Variants in RAB6B observed in about 807,000 individuals in gnomAD.
The protein encoded by RAB6B is RAB6B, member RAS oncogene family.
A neutral mutation model predicts 31.2 loss-of-function variants in RAB6B; 7 were observed. The observed-to-expected ratio is 0.22, with a 90% CI of 0.13 to 0.42. The LOEUF is 0.42. RAB6B is among the 10% of genes least tolerant of loss of function. The probability of loss-of-function intolerance (pLI) is 1.00; values close to 1 mark genes in which losing one functional copy is unlikely to be tolerated. For synonymous variants in RAB6B, 105 were observed against 104.9 expected (o/e 1.00, Z -0.01); for missense variants, 149 against 280.6 (o/e 0.53, Z 3.35).
At chr3:133,883,867 TGGTCCTC>T (rs760193730) in intron 1 of RAB6B, among the ~76,000 whole-genome samples, 2 of 152,200 alleles carry the variant, frequency 1.3e-5, no homozygotes, top group Non-Finnish European at 2.9e-5. Flanking sequence ...TGAGCCAAAA[TGGTCCTC>T]CTCCTGCCTG....
intron 2 of RAB6B, among the ~76,000 whole-genome samples, chr3:133,851,686 G>A (rs1935986587): frequency 6.6e-6 from 1 of 152,178 alleles, no homozygotes; most frequent in African/African-American, 2.4e-5. Flanking sequence ...GGGGGGAGTG[G>A]CTTGCACGAC....
chr3:133,883,361 G>C (rs148839754), intron 1 of RAB6B, among the ~76,000 whole-genome samples: 2 of 152,324 alleles, frequency 1.3e-5, no homozygotes, highest in Admixed American at 6.5e-5. Context: ...CACAAACACA[G>C]AACTGGTCCA....
chr3:133,826,980 T>A lies in RAB6B; in HGVS notation c.*1808A>T, dbSNP rs566878366. ...ATATAAAAACTAAACACATGACATC[T>A]GAAACACGTTCAAACATTGGTCCTT... is the stretch of plus-strand genomic sequence containing the variant. On this transcript the variant is annotated 3_prime_UTR_variant, in exon 8 of 8. Coordinates refer to ENST00000285208, the MANE Select transcript of RAB6B (RefSeq NM_016577.4). 3 of 152,684 alleles carry A rather than the reference T, an allele frequency of 2.0e-5. No homozygotes were observed. Among genetic ancestry groups the A allele is most frequent in the Non-Finnish European group, 4.4e-5 (3 of 68,048 alleles). The allele number at this position is 152,684 out of a possible 1,614,324, so 9.5% of individuals were successfully genotyped here. A position where few individuals can be genotyped will look rare whatever the true frequency, so the allele number is the denominator to read the frequency against.
intron 4 of RAB6B, among the ~76,000 whole-genome samples, chr3:133,839,975 C>A (rs867563758): frequency 4.6e-5 from 7 of 151,490 alleles, no homozygotes; most frequent in African/African-American, 1.7e-4. Context: ...CTGGGTCACA[C>A]GTGTGTGTGC....
chr3:133,853,845 C>A (rs1936036891), intron 2 of RAB6B, among the ~76,000 whole-genome samples: 1 of 152,118 alleles, frequency 6.6e-6, no homozygotes, highest in Admixed American at 6.6e-5. Flanking sequence ...GCTGCGTAAA[C>A]AAAGATTATG....
At chr3:133,865,383 T>C (rs1936223249) in intron 1 of RAB6B, among the ~76,000 whole-genome samples, 1 of 152,242 alleles carries the variant, frequency 6.6e-6, no homozygotes, top group Non-Finnish European at 1.5e-5. Flanking sequence ...ATCCTACAAA[T>C]GCTGCTAATT....
rs1006589632 is a variant in RAB6B at position 133,827,461 on chromosome 3, T to C, written c.*1327A>G. 1.2e-5 allele frequency: 2 copies of C among 169,378 alleles called. No homozygotes were observed. Among genetic ancestry groups the C allele is most frequent in the African/African-American group, 4.8e-5 (2 of 41,858 alleles). The allele number at this position is 169,378 out of a possible 1,614,324, so 10.5% of individuals were successfully genotyped here. On this transcript the variant is annotated 3_prime_UTR_variant, in exon 8 of 8. Coordinates refer to ENST00000285208, the MANE Select transcript of RAB6B (RefSeq NM_016577.4). ...GAAGAGAGAGTTCTCTTCAGAGACT[T>C]TGCAGATTCTCAGGACTAAGCCATT...
chr3:133,838,402 C>A, intron 5 of RAB6B, 143 bp from the exon 6 acceptor site: 1 of 731,168 alleles, frequency 1.4e-6, no homozygotes, highest in South Asian at 1.6e-5. Context: ...CCAAGGGTCC[C>A]TCCCGGGCAC....
intron 2 of RAB6B, among the ~76,000 whole-genome samples, chr3:133,854,557 G>C (rs975345365): frequency 4.6e-5 from 7 of 152,170 alleles, no homozygotes; most frequent in Non-Finnish European, 1.0e-4. Context: ...CTCCAAACCT[G>C]GCAATGCTTA....
chr3:133,857,864 T>C (rs566017200), intron 2 of RAB6B, among the ~76,000 whole-genome samples: 53 of 152,282 alleles, frequency 3.5e-4, no homozygotes, highest in Admixed American at 2.1e-3. Context: ...ACACTGTTCG[T>C]TGGCCCCTTC....
At chr3:133,833,295 A>T (rs1235835484) in intron 7 of RAB6B, among the ~76,000 whole-genome samples, 1 of 152,022 alleles carries the variant, frequency 6.6e-6, no homozygotes, top group East Asian at 1.9e-4. Flanking sequence ...CAGTTTCCTT[A>T]TCTGTGATTG....
At chr3:133,830,408 C>T (rs1266969994) in intron 7 of RAB6B, among the ~76,000 whole-genome samples, 4 of 152,234 alleles carry the variant, frequency 2.6e-5, no homozygotes, top group Admixed American at 6.5e-5. Flanking sequence ...CACCTGTTGA[C>T]GCTAGCTTAT....
chr3:133,890,817 G>A (rs751809770), intron 1 of RAB6B, among the ~76,000 whole-genome samples: 4 of 152,148 alleles, frequency 2.6e-5, no homozygotes, highest in Non-Finnish European at 4.4e-5. Flanking sequence ...ATTCAATTAC[G>A]GTTTTTGTAC....
At chr3:133,873,667 AT>A (rs972745903) in intron 1 of RAB6B, among the ~76,000 whole-genome samples, 21 of 152,362 alleles carry the variant, frequency 1.4e-4, no homozygotes, top group African/African-American at 5.0e-4. Context: ...AAACAAAAAA[AT>A]TTATATATTC....
intron 1 of RAB6B, among the ~76,000 whole-genome samples, chr3:133,884,101 A>G (rs1028469312): frequency 1.3e-5 from 2 of 152,220 alleles, no homozygotes; most frequent in East Asian, 3.9e-4. Flanking sequence ...AAGGGTGGTG[A>G]CTGAAAAATG....
At chr3:133,867,513 T>A (rs1268848634) in intron 1 of RAB6B, among the ~76,000 whole-genome samples, 2 of 152,100 alleles carry the variant, frequency 1.3e-5, no homozygotes, top group African/African-American at 2.4e-5. Flanking sequence ...CAGAGCTGAG[T>A]GGGGCTGGGA....
intron 2 of RAB6B, among the ~76,000 whole-genome samples, chr3:133,861,247 T>C (rs985663267): frequency 6.6e-6 from 1 of 152,238 alleles, no homozygotes; most frequent in African/African-American, 2.4e-5. Context: ...ACTGCAGACA[T>C]GAATCTCATC....
At chr3:133,867,219 T>C (rs1300991975) in intron 1 of RAB6B, among the ~76,000 whole-genome samples, 1 of 152,130 alleles carries the variant, frequency 6.6e-6, no homozygotes, top group Non-Finnish European at 1.5e-5. Context: ...AGCTTTTAGG[T>C]GTGGGGTCCT....
intron 7 of RAB6B, among the ~76,000 whole-genome samples, chr3:133,831,105 G>A (rs913495666): frequency 2.6e-5 from 4 of 152,166 alleles, no homozygotes; most frequent in Non-Finnish European, 5.9e-5. Context: ...AATCTCATGC[G>A]CAATTTGATC....
Sources: gnomAD v4.1 joint callset for allele counts (sites outside exome capture counted in the v4.1 genomes callset) on GRCh38, gnomAD v4.1.1 for gene constraint, MANE v1.5 for transcripts, NCBI Gene and HGNC (gene_info 2026-07-23, HGNC 2026-07-21) for gene names.